PABPC4L: variants seen among roughly 807,000 people sequenced by gnomAD.
PABPC4L encodes poly(A) binding protein cytoplasmic 4 like.
For synonymous variants in PABPC4L, 169 were observed against 164.1 expected (o/e 1.03, Z -0.23); for missense variants, 452 against 451.4 (o/e 1.00, Z -0.01).
At chr4:134,060,979 C>A in the PABPC4L span, among the ~76,000 whole-genome samples, 2 of 151,786 alleles carry the variant, frequency 1.3e-5, no homozygotes, top group Non-Finnish European at 2.9e-5. Context: ...ACAAAAAATA[C>A]CTTGAAAGAA....
the PABPC4L span, among the ~76,000 whole-genome samples, chr4:134,119,580 T>C: frequency 6.6e-6 from 1 of 151,684 alleles, no homozygotes; most frequent in Non-Finnish European, 1.5e-5. Context: ...GTAACCTATT[T>C]ATATTAAAAT....
chr4:133,951,926 C>A, the PABPC4L span, among the ~76,000 whole-genome samples: 1 of 152,270 alleles, frequency 6.6e-6, no homozygotes, highest in East Asian at 1.9e-4. Context: ...TAGGCAAGGG[C>A]AGACCCACTA....
chr4:134,085,093 G>A, the PABPC4L span, among the ~76,000 whole-genome samples: 183 of 152,114 alleles, frequency 1.2e-3, no homozygotes, highest in African/African-American at 4.2e-3. Context: ...CTAGTGAGCA[G>A]GTGGACATTA....
At chr4:134,187,138 TTCC>T in the PABPC4L span, among the ~76,000 whole-genome samples, 7 of 152,060 alleles carry the variant, frequency 4.6e-5, no homozygotes, top group Non-Finnish European at 1.0e-4. Flanking sequence ...AGTGTGGCAA[TTCC>T]TCAAGGATCT....
Position 134,199,726 on chromosome 4 carries a change from C to A in PABPC4L, c.*181G>T. The stretch of plus-strand genomic sequence containing the variant: ...GTGCCTCTGTAAAATGAACTAAGCT[C>A]CATCTATTTTTCCACAAAAGAAAAA... On this transcript the variant is annotated 3_prime_UTR_variant, in exon 2 of 2. Coordinates refer to ENST00000421491, the MANE Select transcript of PABPC4L (RefSeq NM_001114734.2). 1 of 689,204 alleles carries A rather than the reference C, an allele frequency of 1.5e-6. No homozygotes were observed. Among genetic ancestry groups the A allele is most frequent in the Non-Finnish European group, 2.3e-6 (1 of 436,050 alleles). The allele number at this position is 689,204 out of a possible 1,614,324, so 42.7% of individuals were successfully genotyped here. A position where few individuals can be genotyped will look rare whatever the true frequency, so the allele number is the denominator to read the frequency against.
At chr4:134,122,087 C>T in the PABPC4L span, among the ~76,000 whole-genome samples, 2 of 151,786 alleles carry the variant, frequency 1.3e-5, no homozygotes, top group Non-Finnish European at 2.9e-5. Flanking sequence ...CACAACTACA[C>T]TACCATATCC....
chr4:134,062,106 GA>G, the PABPC4L span, among the ~76,000 whole-genome samples: 34 of 144,526 alleles, frequency 2.4e-4, no homozygotes, highest in African/African-American at 3.8e-4. Context: ...GTATGAAAAA[GA>G]AAAAAAAAAC....
the PABPC4L span, among the ~76,000 whole-genome samples, chr4:134,172,467 A>G: frequency 6.6e-6 from 1 of 152,172 alleles, no homozygotes; most frequent in Non-Finnish European, 1.5e-5. Context: ...TATGCAGAAG[A>G]TTGAACCTTG....
At position 134,199,073 on chromosome 4, in the gene PABPC4L, T is replaced by C. The variant is rs974172991; in HGVS notation, c.*834A>G. 24 of 152,176 alleles carry C rather than the reference T, an allele frequency of 1.6e-4. 1 individual carries two copies. Among genetic ancestry groups the C allele is most frequent in the South Asian group, 2.1e-4 (1 of 4,830 alleles). 9.4% of individuals were successfully genotyped at this position (152,176 alleles called of 1,614,324 possible). On this transcript the variant is annotated 3_prime_UTR_variant, in exon 2 of 2. Coordinates refer to ENST00000421491, the MANE Select transcript of PABPC4L (RefSeq NM_001114734.2). ...TGATTTTCATAATATTAGCATCTGG[T>C]AAAAATTTAAGATAATATATTAAGC... is the stretch of plus-strand genomic sequence containing the variant.
chr4:133,993,520 A>T, the PABPC4L span, among the ~76,000 whole-genome samples: 1 of 152,216 alleles, frequency 6.6e-6, no homozygotes, highest in African/African-American at 2.4e-5. Flanking sequence ...ATACATGTAC[A>T]TATCTAAGTT....
At chr4:134,149,020 G>A in the PABPC4L span, among the ~76,000 whole-genome samples, 648 of 152,152 alleles carry the variant, frequency 4.3e-3, 3 homozygotes, top group African/African-American at 0.015. Flanking sequence ...CTGAGGCATA[G>A]GCATTCTATG....
the PABPC4L span, among the ~76,000 whole-genome samples, chr4:133,949,999 G>A: frequency 6.6e-6 from 1 of 152,118 alleles, no homozygotes; most frequent in Non-Finnish European, 1.5e-5. Context: ...TTTGTCCAAG[G>A]CATTTTAGTT....
chr4:134,082,082 G>A, the PABPC4L span, among the ~76,000 whole-genome samples: 5 of 152,002 alleles, frequency 3.3e-5, no homozygotes, highest in Non-Finnish European at 2.9e-5. Context: ...GAGGTTCAGC[G>A]GCATCATTCA....
At chr4:134,139,736 G>A in the PABPC4L span, among the ~76,000 whole-genome samples, 3 of 151,362 alleles carry the variant, frequency 2.0e-5, no homozygotes, top group Non-Finnish European at 4.4e-5. Context: ...CTATGCCCAG[G>A]CTGGTCTCAA....
At chr4:134,024,530 ATC>A in the PABPC4L span, among the ~76,000 whole-genome samples, 2 of 152,036 alleles carry the variant, frequency 1.3e-5, no homozygotes, top group East Asian at 3.9e-4. Flanking sequence ...GCTGTCTGGT[ATC>A]TGTTTCTCTT....
At chr4:134,014,692 T>C in the PABPC4L span, among the ~76,000 whole-genome samples, 1 of 151,986 alleles carries the variant, frequency 6.6e-6, no homozygotes, top group Non-Finnish European at 1.5e-5. Flanking sequence ...CCATCACGGA[T>C]GCCGAGCTTT....
the PABPC4L span, among the ~76,000 whole-genome samples, chr4:134,118,300 A>C: frequency 6.6e-6 from 1 of 151,854 alleles, no homozygotes; most frequent in Non-Finnish European, 1.5e-5. Flanking sequence ...ATGATGGTTC[A>C]ATTGAAAATC....
chr4:133,975,340 G>A, the PABPC4L span, among the ~76,000 whole-genome samples: 5 of 152,094 alleles, frequency 3.3e-5, no homozygotes, highest in African/African-American at 1.2e-4. Context: ...GGGGGAAGGG[G>A]AAATGTGGAG....
the PABPC4L span, among the ~76,000 whole-genome samples, chr4:134,096,745 A>C: frequency 6.6e-6 from 1 of 152,000 alleles, no homozygotes; most frequent in Non-Finnish European, 1.5e-5. Context: ...CTAAAGAAAT[A>C]AATGTCCAGT....
Sources: allele counts gnomAD v4.1 joint callset (sites outside exome capture counted in the v4.1 genomes callset), GRCh38; gene constraint gnomAD v4.1.1; transcripts MANE v1.5; gene names NCBI Gene and HGNC (gene_info 2026-07-23, HGNC 2026-07-21).